ZNF410: variants seen among roughly 807,000 people sequenced by gnomAD.
ZNF410 encodes the protein zinc finger protein 410.
A neutral mutation model predicts 54.8 loss-of-function variants in ZNF410; 18 were observed. The observed-to-expected ratio is 0.33, with a 90% CI of 0.23 to 0.49. The LOEUF (loss-of-function observed/expected upper bound fraction) is 0.49, where lower values mean the gene tolerates loss of function less well. Ranked by LOEUF, ZNF410 falls within the 20% of genes least tolerant of loss-of-function variation. The probability of loss-of-function intolerance (pLI) is 0.99; values close to 1 mark genes in which losing one functional copy is unlikely to be tolerated. For synonymous variants in ZNF410, 191 were observed against 207.3 expected, an observed-to-expected ratio of 0.92 and a Z score of 0.68; for missense variants, 405 against 569.6, an observed-to-expected ratio of 0.71 and a Z score of 2.94.
chr14:73,929,768 G>T (rs1472486440), intron 11 of ZNF410, among the ~76,000 whole-genome samples: 1 of 151,658 alleles, frequency 6.6e-6, no homozygotes, highest in African/African-American at 2.4e-5. Flanking sequence ...AGTGAGCCAT[G>T]ATCTTGCCAC....
chr14:73,918,891 G>A (rs2055711538), intron 8 of ZNF410, among the ~76,000 whole-genome samples: 2 of 146,560 alleles, frequency 1.4e-5, no homozygotes, highest in Non-Finnish European at 3.0e-5. Flanking sequence ...GTAGAGATGG[G>A]GTTTCACCGT....
chr14:73,903,404 T>C (rs549703318), intron 5 of ZNF410, among the ~76,000 whole-genome samples: 2 of 152,318 alleles, frequency 1.3e-5, no homozygotes, highest in East Asian at 1.9e-4. Flanking sequence ...AGAGGCCTAG[T>C]CTTGTGAAAC....
Position 73,887,983 on chromosome 14 carries a change from G to T in ZNF410, c.-150+1068G>T, listed in dbSNP as rs77703930. Among the ~76,000 whole-genome samples, 195 of 152,126 alleles carry T rather than the reference G, an allele frequency of 1.3e-3. 4 individuals are homozygous for T. In the East Asian group the frequency reaches 0.037, roughly 29 times the overall value. ...AAGATAACTTGAATGGCTGCATAAA[G>T]GATGTATTGGAAAGAGGAATTTTAA... is the stretch of plus-strand genomic sequence containing the variant. On this transcript the variant is annotated intron_variant, in intron 1 of 11. Transcript: ENST00000555044.
intron 7 of ZNF410, among the ~76,000 whole-genome samples, chr14:73,906,147 C>A (rs1238799307): frequency 6.6e-6 from 1 of 151,400 alleles, no homozygotes; most frequent in African/African-American, 2.4e-5. Context: ...TACAGGCACC[C>A]GCCACCAGGC....
chr14:73,904,267 A>C (rs2055449558), intron 6 of ZNF410, among the ~76,000 whole-genome samples, 157 bp downstream of exon 6: 1 of 152,204 alleles, frequency 6.6e-6, no homozygotes, highest in Non-Finnish European at 1.5e-5. Flanking sequence ...AAGGATTTGC[A>C]TTGTCTCATT....
At chr14:73,911,414 G>T (rs747944652) in intron 8 of ZNF410, among the ~76,000 whole-genome samples, 75 of 152,318 alleles carry the variant, frequency 4.9e-4, no homozygotes, top group Admixed American at 1.2e-3. Flanking sequence ...CAGGAGCAAG[G>T]AAGTTGGAGA....
At chr14:73,929,876 G>C (rs1350625981) in intron 11 of ZNF410, among the ~76,000 whole-genome samples, 2 of 151,862 alleles carry the variant, frequency 1.3e-5, no homozygotes, top group Non-Finnish European at 2.9e-5. Context: ...TCACCTCTCT[G>C]GTTCAGGTGG....
intron 5 of ZNF410, among the ~76,000 whole-genome samples, chr14:73,901,046 A>AGT (rs1470478889): frequency 1.3e-5 from 2 of 152,242 alleles, no homozygotes; most frequent in African/African-American, 2.4e-5. Flanking sequence ...TCACTTTATG[A>AGT]GTCCTCTAGC....
intron 7 of ZNF410, among the ~76,000 whole-genome samples, chr14:73,907,327 G>A (rs2055504975): frequency 6.6e-6 from 1 of 152,210 alleles, no homozygotes; most frequent in Non-Finnish European, 1.5e-5. Flanking sequence ...GTCGGGCCCA[G>A]TGGCTCACAC....
At chr14:73,908,760 T>G (rs1452298312) in intron 7 of ZNF410, among the ~76,000 whole-genome samples, 1 of 152,230 alleles carries the variant, frequency 6.6e-6, no homozygotes, top group Non-Finnish European at 1.5e-5. Flanking sequence ...GGAGCACTTT[T>G]TTTTGTATTT....
intron 11 of ZNF410, among the ~76,000 whole-genome samples, chr14:73,928,864 A>G (rs960586246): frequency 2.6e-5 from 4 of 152,100 alleles, no homozygotes; most frequent in Non-Finnish European, 4.4e-5. Context: ...AGGAGGATCA[A>G]CTTGAGCCCA....
intron 2 of ZNF410, 135 bp from the exon 3 acceptor site, chr14:73,893,662 T>G: frequency 3.2e-6 from 3 of 949,252 alleles, no homozygotes; most frequent in Non-Finnish European, 2.9e-6. Context: ...TAACTTTAGA[T>G]ATTATGTTGT....
chr14:73,897,046 G>A (rs897871223), intron 4 of ZNF410, among the ~76,000 whole-genome samples: 2 of 152,170 alleles, frequency 1.3e-5, no homozygotes, highest in African/African-American at 4.8e-5. Context: ...GCTGGAAGGG[G>A]ATGAAGAGAA....
intron 4 of ZNF410, 166 bp downstream of exon 4, chr14:73,896,700 A>G: frequency 1.6e-6 from 1 of 612,694 alleles, no homozygotes; most frequent in Non-Finnish European, 2.8e-6. Flanking sequence ...GAGAGGGAGG[A>G]CTCTAGTATG....
At chr14:73,919,941 C>G (rs2055732615) in intron 8 of ZNF410, among the ~76,000 whole-genome samples, 1 of 108,826 alleles carries the variant, frequency 9.2e-6, no homozygotes, top group South Asian at 3.1e-4. Flanking sequence ...GTATCTATAG[C>G]TTTTTAGTCA....
At chr14:73,912,952 A>G (rs2055608200) in intron 8 of ZNF410, 1 of 151,508 alleles carries the variant, frequency 6.6e-6, no homozygotes, top group South Asian at 2.1e-4. Flanking sequence ...AAGGTGTCCC[A>G]TGGTGGTTTA....
intron 2 of ZNF410, 128 bp from the exon 3 acceptor site, chr14:73,893,668 GT>G (rs1173372437): frequency 2.0e-6 from 2 of 1,013,838 alleles, no homozygotes; most frequent in African/African-American, 3.3e-5. Context: ...TAGATATTAT[GT>G]TGTTTAGTTT....
chr14:73,901,618 G>T (rs2055407799), intron 5 of ZNF410, among the ~76,000 whole-genome samples: 1 of 151,612 alleles, frequency 6.6e-6, no homozygotes, highest in Non-Finnish European at 1.5e-5. Flanking sequence ...TACTATCACT[G>T]ATTTGAATCA....
chr14:73,907,692 G>A (rs1447138590), intron 7 of ZNF410, among the ~76,000 whole-genome samples: 1 of 152,074 alleles, frequency 6.6e-6, no homozygotes, highest in Non-Finnish European at 1.5e-5. Context: ...AGGAGTTCCA[G>A]ACCAGCCTGA....
Sources: gnomAD v4.1 joint callset for allele counts (sites outside exome capture counted in the v4.1 genomes callset) on GRCh38, gnomAD v4.1.1 for gene constraint, MANE v1.5 for transcripts, NCBI Gene and HGNC (gene_info 2026-07-23, HGNC 2026-07-21) for gene names.